The following ZNF565 variants were observed in gnomAD, a reference collection of about 807,000 sequenced individuals.
ZNF565 encodes the protein zinc finger protein 565.
In ZNF565, 27 loss-of-function variants were observed where a neutral mutation model predicts 39.4. The ratio of observed to expected loss-of-function variants is 0.69; its 90% CI spans 0.51 to 0.95. ZNF565 has a LOEUF of 0.95. ZNF565 is among the 40% of genes least tolerant of loss of function. ZNF565 has a pLI of 0.00. For missense variants in ZNF565, 524 were observed against 621.1 expected, an observed-to-expected ratio of 0.84 and a Z score of 1.66; for synonymous variants, 185 against 216.6, an observed-to-expected ratio of 0.85 and a Z score of 1.28.
chr19:36,225,861 A>G (rs1977045508), intron 1 of ZNF565, among the ~76,000 whole-genome samples: 1 of 150,190 alleles, frequency 6.7e-6, no homozygotes, highest in Non-Finnish European at 1.5e-5. Context: ...CCCAGGCTTA[A>G]GCAGTCCTCC....
intron 1 of ZNF565, among the ~76,000 whole-genome samples, chr19:36,239,103 G>A (rs2972321): frequency 0.34 from 52,168 of 151,960 alleles, 9,491 homozygotes; most frequent in South Asian, 0.48. Flanking sequence ...CAGGTCCCTG[G>A]TACCAAAAAG....
intron 1 of ZNF565, chr19:36,237,368 C>T (rs1348566737): frequency 5.8e-6 from 9 of 1,540,040 alleles, no homozygotes; most frequent in Non-Finnish European, 7.9e-6. Flanking sequence ...TAGAAATTTG[C>T]ACCTCATCAT....
At chr19:36,243,714 A>G (rs909877859) in intron 1 of ZNF565, among the ~76,000 whole-genome samples, 11 of 151,614 alleles carry the variant, frequency 7.3e-5, no homozygotes, top group African/African-American at 2.7e-4. Context: ...TCTTTTTTTT[A>G]ATTGAGACAG....
rs1975165745 is a variant in ZNF565, at chr19:36,183,517, T to C, written c.449A>G (p.His150Arg). 1 of 1,614,240 alleles carries C rather than the reference T, an allele frequency of 6.2e-7. No homozygotes were observed. The highest frequency in any genetic ancestry group is 1.7e-5 in the Admixed American group (1 of 60,010). The change falls in exon 5 of 5, where the codon CAT (histidine) becomes CGT (arginine). Residue 150 changes from histidine (H) to arginine (R), a missense_variant. His to Arg is a conservative substitution (Grantham distance 29). Transcript: ENST00000304116. ...CTGACGTACAGTGTGAGACGTGTGA[T>C]GCTGGAACACGGGCATATGTCCATA... ...VTYGHMPVFQHHTSHTVRQSR... is the reference protein window; with the variant it reads ...VTYGHMPVFQRHTSHTVRQSR...
intron 2 of ZNF565, among the ~76,000 whole-genome samples, chr19:36,201,188 G>A (rs182279321): frequency 1.4e-4 from 21 of 152,160 alleles, no homozygotes; most frequent in Admixed American, 1.4e-3. Flanking sequence ...TCTGGTCCTA[G>A]CTACTTGGGA....
chr19:36,193,662 C>T (rs951326560), intron 4 of ZNF565, among the ~76,000 whole-genome samples: 4 of 151,952 alleles, frequency 2.6e-5, no homozygotes, highest in African/African-American at 4.8e-5. Flanking sequence ...AGGATGGTCT[C>T]GATCTCCTCA....
chr19:36,190,523 C>T (rs1455249776), intron 4 of ZNF565, among the ~76,000 whole-genome samples: 7 of 148,300 alleles, frequency 4.7e-5, no homozygotes, highest in East Asian at 4.0e-4. Context: ...TTGCGATGAG[C>T]GGAGATCTCG....
chr19:36,233,508 C>G (rs1306164933), intron 1 of ZNF565, among the ~76,000 whole-genome samples: 1 of 152,004 alleles, frequency 6.6e-6, no homozygotes, highest in Non-Finnish European at 1.5e-5. Flanking sequence ...GAGGACCTCT[C>G]AAGAGGACCG....
chr19:36,206,187 C>A (rs1976145890), intron 1 of ZNF565, among the ~76,000 whole-genome samples: 1 of 152,016 alleles, frequency 6.6e-6, no homozygotes, highest in South Asian at 2.1e-4. Context: ...GTCTTCAACT[C>A]CTGCCTCAAG....
At chr19:36,200,367 C>A (rs1010582289) in intron 2 of ZNF565, among the ~76,000 whole-genome samples, 57 of 151,992 alleles carry the variant, frequency 3.8e-4, no homozygotes, top group African/African-American at 1.4e-3. Flanking sequence ...AAACCTGTTA[C>A]CTGTTAATAT....
chr19:36,199,608 G>T (rs569544582), intron 2 of ZNF565, among the ~76,000 whole-genome samples: 10 of 150,144 alleles, frequency 6.7e-5, no homozygotes, highest in Admixed American at 3.4e-4. Context: ...CCAGGCTCAA[G>T]AGATTCTCCT....
chr19:36,200,592 G>A (rs200158817), intron 2 of ZNF565, among the ~76,000 whole-genome samples: 8 of 151,538 alleles, frequency 5.3e-5, no homozygotes, highest in Non-Finnish European at 1.2e-4. Context: ...AGGTTCAAGC[G>A]ATTCTCCTGC....
chr19:36,215,414 C>T (rs1251045143), upstream of ZNF565, among the ~76,000 whole-genome samples: 1 of 152,046 alleles, frequency 6.6e-6, no homozygotes, highest in Non-Finnish European at 1.5e-5. Context: ...GAATGTGAAA[C>T]TGGGTGCGGG....
Position 36,187,607 on chromosome 19 carries a change from C to T in ZNF565, c.233-3874G>A, listed in dbSNP as rs546000628. ...TCCTGACCTTGTGCTCCGCCCACCTCGGCCTCCCAAAGTGCTGGGATTACA... is the reference window on the plus strand; with the variant it reads ...TCCTGACCTTGTGCTCCGCCCACCTTGGCCTCCCAAAGTGCTGGGATTACA... On this transcript the variant is annotated intron_variant, in intron 4 of 4. Coordinates refer to ENST00000304116, the MANE Select transcript of ZNF565 (RefSeq NM_152477.5). 5.3e-5 allele frequency among the ~76,000 whole-genome samples: 8 copies of T among 150,952 alleles called. No homozygotes were observed. The South Asian group carries it at 1.5e-3, about 28-fold the overall frequency.
intron 1 of ZNF565, among the ~76,000 whole-genome samples, chr19:36,220,962 C>T (rs1976811073): frequency 1.3e-5 from 2 of 151,660 alleles, no homozygotes; most frequent in South Asian, 2.1e-4. Context: ...CAGCGATTCT[C>T]CTGCCTCAGC....
rs117303541 is a variant in ZNF565 at position 36,209,999 on chromosome 19, A to G, written c.-66+4623T>C. 8.9e-4 allele frequency among the ~76,000 whole-genome samples: 135 copies of G among 152,232 alleles called. No homozygotes were observed. In the East Asian group the frequency reaches 0.018, roughly 20 times the overall value. ...AAATGGAGGCAAGACATGGTGGTTCACATCTATAATCCCAGAACTTTGGGA... is the reference window on the plus strand; with the variant it reads ...AAATGGAGGCAAGACATGGTGGTTCGCATCTATAATCCCAGAACTTTGGGA... On this transcript the variant is annotated intron_variant, in intron 1 of 4. Coordinates refer to ENST00000304116, the MANE Select transcript of ZNF565 (RefSeq NM_152477.5).
intron 1 of ZNF565, among the ~76,000 whole-genome samples, chr19:36,228,158 CAAA>C (rs71171422): frequency 1.3e-4 from 14 of 106,610 alleles, no homozygotes; most frequent in African/African-American, 8.1e-5. Flanking sequence ...GAAACTGTCT[CAAA>C]AAAAAAAAAA....
At position 36,245,881 on chromosome 19, in the gene ZNF565, C is replaced by A; in HGVS notation, c.-351G>T. ...TTTGGGTGCGGGGCCTTGGCTCAGG[C>A]GGAACCCGACCGGGATCGCCCCGCG... On this transcript the variant is annotated 5_prime_UTR_variant, in exon 1 of 5. Coordinates refer to the ZNF565 transcript ENST00000355114. The surrounding 1 kb of genome is among the most constrained non-coding windows in gnomAD (Gnocchi z 4.4). The A allele has an allele frequency of 7.5e-6, 2 of 266,216 alleles. No homozygotes were observed. Among genetic ancestry groups the A allele is most frequent in the South Asian group, 1.4e-4 (2 of 14,486 alleles). The allele number at this position is 266,216 out of a possible 1,614,324, so 16.5% of individuals were successfully genotyped here.
At chr19:36,232,178 G>C (rs994012172) in intron 1 of ZNF565, among the ~76,000 whole-genome samples, 1 of 136,232 alleles carries the variant, frequency 7.3e-6, no homozygotes, top group Non-Finnish European at 1.5e-5. Context: ...CTGGGCAACA[G>C]AGCGAGACTC....
Sources: gnomAD v4.1 joint callset for allele counts (sites outside exome capture counted in the v4.1 genomes callset) on GRCh38, gnomAD v4.1.1 for gene constraint, Gnocchi (gnomAD v3.1) non-coding constraint, MANE v1.5 for transcripts, NCBI Gene and HGNC (gene_info 2026-07-23, HGNC 2026-07-21) for gene names.